Variants in AQP2 observed in about 807,000 individuals in gnomAD.
AQP2 encodes the protein aquaporin-2.
AQP2 carries 20 observed loss-of-function variants against 21.6 expected under a neutral mutation model. The observed-to-expected ratio is 0.92, with a 90% CI of 0.65 to 1.34. The LOEUF is 1.34. AQP2 is among the 40% of genes most tolerant of loss of function. The pLI is 0.00. For synonymous variants in AQP2, 168 were observed against 166.9 expected, an observed-to-expected ratio of 1.01 and a Z score of -0.05; for missense variants, 325 against 363.4, an observed-to-expected ratio of 0.89 and a Z score of 0.86.
chr12:49,954,798 C>T (rs2137148169), intron 3 of AQP2, 88 bp downstream of exon 3: 2 of 1,457,144 alleles, frequency 1.4e-6, no homozygotes, highest in Middle Eastern at 1.7e-4. Flanking sequence ...GATGGGGGCT[C>T]AGCAGCGGTA....
At position 49,950,922 on chromosome 12, in the gene AQP2, C is replaced by T; in HGVS notation, c.92C>T (p.Ala31Val). 4 of 1,614,212 alleles carry T rather than the reference C, an allele frequency of 2.5e-6. No individual in the cohort carries two copies. The South Asian group carries it at 4.4e-5, about 18-fold the overall frequency. The change falls in exon 1 of 4, where the codon GCC (alanine) becomes GTC (valine). Residue 31 changes from alanine (A) to valine (V), a missense_variant. Ala to Val is a moderately conservative substitution (Grantham distance 64). Transcript: ENST00000199280. ...TTCGTCTTCTTTGGCCTCGGCTCTG[C>T]CCTCAACTGGCCACAGGCCCTGCCC... ...LLFVFFGLGSALNWPQALPSV... is the reference protein window; with the variant it reads ...LLFVFFGLGSVLNWPQALPSV...
chr12:49,954,028 C>A, intron 1 of AQP2, 127 bp from the exon 2 acceptor site: 1 of 1,341,352 alleles, frequency 7.5e-7, no homozygotes, highest in Non-Finnish European at 1.1e-6. Context: ...AGGCGTCTGG[C>A]AAGCCCAGGT....
chr12:49,951,811 T>C (rs1029274888), intron 1 of AQP2: 6 of 152,540 alleles, frequency 3.9e-5, no homozygotes, highest in African/African-American at 1.4e-4. Context: ...CCACAGTCCC[T>C]TCCCCCATGT....
intron 2 of AQP2, 37 bp downstream of exon 2, chr12:49,954,356 A>G: frequency 6.3e-7 from 1 of 1,590,084 alleles, no homozygotes; most frequent in South Asian, 1.1e-5. Flanking sequence ...TCCCTGGAGG[A>G]ACAGACACAC....
chr12:49,958,686 G>A lies in AQP2; in HGVS notation c.*3078G>A, dbSNP rs1387067723. ...CTCCCACTTTGTGCCAAATGACTTT[G>A]CACCTGCAAATGGTGCTTCAATGTC... On this transcript the variant is annotated 3_prime_UTR_variant, in exon 4 of 4. Coordinates refer to ENST00000199280, the MANE Select transcript of AQP2 (RefSeq NM_000486.6). The A allele has an allele frequency of 6.6e-6, 1 of 152,228 alleles. No individual in the cohort carries two copies. Among genetic ancestry groups the A allele is most frequent in the Non-Finnish European group, 1.5e-5 (1 of 68,048 alleles). The allele number at this position is 152,228 out of a possible 1,614,324, so 9.4% of individuals were successfully genotyped here. A position where few individuals can be genotyped will look rare whatever the true frequency, so the allele number is the denominator to read the frequency against.
intron 3 of AQP2, among the ~76,000 whole-genome samples, chr12:49,954,956 C>T (rs532597827): frequency 4.6e-4 from 70 of 152,170 alleles, no homozygotes; most frequent in Non-Finnish European, 8.4e-4. Context: ...GTGAGGTTAC[C>T]GGTGTAACCC....
At chr12:49,954,796 C>A in intron 3 of AQP2, 86 bp downstream of exon 3, 3 of 1,470,536 alleles carry the variant, frequency 2.0e-6, no homozygotes, top group Non-Finnish European at 2.9e-6. Flanking sequence ...GGGATGGGGG[C>A]TCAGCAGCGG....
At position 49,951,137 on chromosome 12, in the gene AQP2, C is replaced by T. The variant is rs1487416791; in HGVS notation, c.307C>T (p.Leu103=). The T allele has an allele frequency of 2.5e-6, 4 of 1,606,670 alleles. No homozygotes were observed. Among genetic ancestry groups the T allele is most frequent in the Non-Finnish European group, 3.4e-6 (4 of 1,175,286 alleles). Reference sequence around the variant, plus strand: ...GCTGGGGGCTGTGGCCGGAGCCGCTCTGCTCCATGAGATCACGCCAGCAGA... The same window carrying T: ...GCTGGGGGCTGTGGCCGGAGCCGCTTTGCTCCATGAGATCACGCCAGCAGA... ...QLLGAVAGAA[L]LHEITPADIR... The change falls in exon 1 of 4, where the codon CTG becomes TTG. Residue 103 remains leucine, a synonymous_variant. Coordinates refer to ENST00000199280, the MANE Select transcript of AQP2 (RefSeq NM_000486.6).
rs1338383319 is a variant in AQP2, at chr12:49,957,492, TAA to T, written c.*1885_*1886del. The T allele has an allele frequency of 2.6e-5, 4 of 152,392 alleles. No homozygotes were observed. Among genetic ancestry groups the T allele is most frequent in the Admixed American group, 1.3e-4 (2 of 15,292 alleles). 9.4% of individuals were successfully genotyped at this position (152,392 alleles called of 1,614,324 possible). ...CAAGCACCCACTGTGCACCAGGCACTAAGTCTCTAGCCTCTTTCTCCCTTCTG... is the reference window on the plus strand; with the variant it reads ...CAAGCACCCACTGTGCACCAGGCACTGTCTCTAGCCTCTTTCTCCCTTCTG... On this transcript the variant is annotated 3_prime_UTR_variant, in exon 4 of 4. Transcript: ENST00000199280.
In AQP2 at chr12:49,953,633, G is replaced by A. The variant is rs547351525; in HGVS notation, c.361-522G>A. Among the ~76,000 whole-genome samples the A allele has an allele frequency of 2.6e-5, 4 of 152,138 alleles. No homozygotes were observed. In the East Asian group the frequency reaches 5.8e-4, roughly 22 times the overall value. ...AAGAGGTAGATTCCGGACTCATAGC[G>A]GAAAGGGGCACACTAGGACTGTCCC... is the stretch of plus-strand genomic sequence containing the variant. On this transcript the variant is annotated intron_variant, in intron 1 of 3. Transcript: ENST00000199280.
chr12:49,958,650 GCTGTCCCATACTCCCACTTTGT>G lies in AQP2; in HGVS notation c.*3043_*3064del, dbSNP rs1297217856. 2.0e-5 allele frequency: 3 copies of G among 152,278 alleles called. No homozygotes were observed. The East Asian group carries it at 5.8e-4, about 29-fold the overall frequency. The allele number at this position is 152,278 out of a possible 1,614,324, so 9.4% of individuals were successfully genotyped here. A position where few individuals can be genotyped will look rare whatever the true frequency, so the allele number is the denominator to read the frequency against. On this transcript the variant is annotated 3_prime_UTR_variant, in exon 4 of 4. Transcript: ENST00000199280. ...AAGCTGGGGACAGAGAAGGTTCTGA[GCTGTCCCATACTCCCACTTTGT>G]GCCAAATGACTTTGCACCTGCAAAT...
At chr12:49,952,623 G>A (rs779307845) in intron 1 of AQP2, among the ~76,000 whole-genome samples, 7 of 152,206 alleles carry the variant, frequency 4.6e-5, no homozygotes, top group South Asian at 4.1e-4. Context: ...AAAGGCCATG[G>A]GAAACATGCA....
chr12:49,954,689 T>C lies in AQP2; in HGVS notation c.585T>C (p.Thr195=). 1 of 1,614,200 alleles carries C rather than the reference T, an allele frequency of 6.2e-7. No individual in the cohort carries two copies. Among genetic ancestry groups the C allele is most frequent in the Non-Finnish European group, 8.5e-7 (1 of 1,180,028 alleles). Residue 195 remains threonine (T), a synonymous_variant, in exon 3 of 4, where the codon ACT becomes ACC. Transcript: ENST00000199280. ...PARSLAPAVV[T]GKFDDHWVFW... Reference sequence around the variant, plus strand: ...GCTCCCTGGCTCCAGCTGTCGTCACTGGCAAATTTGATGACCACTGGGTAA... The same window carrying C: ...GCTCCCTGGCTCCAGCTGTCGTCACCGGCAAATTTGATGACCACTGGGTAA...
In AQP2 at chr12:49,954,178, C is replaced by T; in HGVS notation, c.384C>T (p.Gly128=). ...AGCTCAGCAACAGCACGACGGCTGGCCAGGCGGTGACTGTGGAGCTCTTCC... is the reference window on the plus strand; with the variant it reads ...AGCTCAGCAACAGCACGACGGCTGGTCAGGCGGTGACTGTGGAGCTCTTCC... ...VNALSNSTTA[G]QAVTVELFLT... The change falls in exon 2 of 4, where the codon GGC becomes GGT. Residue 128 remains glycine, a synonymous_variant. Transcript: ENST00000199280. 1.2e-6 allele frequency: 2 copies of T among 1,600,066 alleles called. No individual in the cohort carries two copies. Among genetic ancestry groups the T allele is most frequent in the Non-Finnish European group, 8.5e-7 (1 of 1,179,942 alleles).
In AQP2 at chr12:49,957,492, T is replaced by G. The variant is rs1947380839; in HGVS notation, c.*1884T>G. ...CAAGCACCCACTGTGCACCAGGCACTAAGTCTCTAGCCTCTTTCTCCCTTC... is the reference window on the plus strand; with the variant it reads ...CAAGCACCCACTGTGCACCAGGCACGAAGTCTCTAGCCTCTTTCTCCCTTC... On this transcript the variant is annotated 3_prime_UTR_variant, in exon 4 of 4. Coordinates refer to ENST00000199280, the MANE Select transcript of AQP2 (RefSeq NM_000486.6). 6.6e-6 allele frequency: 1 copy of G among 152,392 alleles called. No individual in the cohort carries two copies. Among genetic ancestry groups the G allele is most frequent in the Non-Finnish European group, 1.5e-5 (1 of 68,168 alleles). The allele number at this position is 152,392 out of a possible 1,614,324, so 9.4% of individuals were successfully genotyped here.
Position 49,954,681 on chromosome 12 carries a change from G to A in AQP2, c.577G>A (p.Val193Ile). The stretch of plus-strand genomic sequence containing the variant: ...TCCTGCCCGCTCCCTGGCTCCAGCT[G>A]TCGTCACTGGCAAATTTGATGACCA... ...MNPARSLAPA[V>I]VTGKFDDHWV... Residue 193 changes from valine to isoleucine, a missense_variant, in exon 3 of 4, where the codon GTC becomes ATC. By Grantham distance (29) the Val-to-Ile change is conservative. Coordinates refer to ENST00000199280, the MANE Select transcript of AQP2 (RefSeq NM_000486.6). 6.2e-7 allele frequency: 1 copy of A among 1,614,198 alleles called. No homozygotes were observed.
Position 49,955,625 on chromosome 12 carries a change from C to G in AQP2, c.*17C>G. ...AAGGCCTGAGGGCCGCCAGCGGCCT[C>G]TACGGCCCCGACGGACGCTTGTGAG... is the stretch of plus-strand genomic sequence containing the variant. On this transcript the variant is annotated 3_prime_UTR_variant, in exon 4 of 4. Coordinates refer to ENST00000199280, the MANE Select transcript of AQP2 (RefSeq NM_000486.6). The G allele has an allele frequency of 6.5e-7, 1 of 1,541,972 alleles. No individual in the cohort carries two copies. The highest frequency in any genetic ancestry group is 8.7e-7 in the Non-Finnish European group (1 of 1,149,876).
chr12:49,955,107 T>C (rs570698968), intron 3 of AQP2, among the ~76,000 whole-genome samples: 1 of 152,152 alleles, frequency 6.6e-6, no homozygotes, highest in African/African-American at 2.4e-5. Context: ...GAGGTAGACA[T>C]TCTTAGAGTG....
Position 49,955,550 on chromosome 12 carries a change from G to T in AQP2, c.758G>T (p.Arg253Leu). 6.2e-7 allele frequency: 1 copy of T among 1,604,630 alleles called. No homozygotes were observed. Among genetic ancestry groups the T allele is most frequent in the East Asian group, 2.2e-5 (1 of 44,626 alleles). ...GATTGGGAGGAGCGCGAGGTGCGACGGCGGCAGTCGGTGGAGCTGCACTCG... is the reference window on the plus strand; with the variant it reads ...GATTGGGAGGAGCGCGAGGTGCGACTGCGGCAGTCGGTGGAGCTGCACTCG... ...DTDWEEREVRRRQSVELHSPQ... is the reference protein window; with the variant it reads ...DTDWEEREVRLRQSVELHSPQ... The change falls in exon 4 of 4, where the codon CGG becomes CTG. Residue 253 changes from arginine (R) to leucine (L), a missense_variant. By Grantham distance (102) the Arg-to-Leu change is moderately radical. Transcript: ENST00000199280.
Sources: allele counts gnomAD v4.1 joint callset (sites outside exome capture counted in the v4.1 genomes callset), GRCh38; gene constraint gnomAD v4.1.1; transcripts MANE v1.5; gene names NCBI Gene and HGNC (gene_info 2026-07-23, HGNC 2026-07-21).